The following SH3GL3 variants were observed in gnomAD, a reference collection of about 807,000 sequenced individuals.
SH3GL3 encodes SH3 domain containing GRB2 like 3, endophilin A3, also known as endophilin-A3.
Under a neutral mutation model 47.7 loss-of-function variants are expected in SH3GL3, and 33 were observed. The ratio of observed to expected loss-of-function variants is 0.69; its 90% CI spans 0.52 to 0.92. The LOEUF (loss-of-function observed/expected upper bound fraction) is 0.92. Ranked by LOEUF, SH3GL3 falls within the 40% of genes least tolerant of loss-of-function variation. The pLI is 0.00. For missense variants in SH3GL3, 363 were observed against 417.8 expected (o/e 0.87, Z 1.14); for synonymous variants, 155 against 148.8 (o/e 1.04, Z -0.30).
chr15:83,505,478 A>T (rs969183500), intron 1 of SH3GL3, among the ~76,000 whole-genome samples: 5 of 150,740 alleles, frequency 3.3e-5, no homozygotes, highest in Non-Finnish European at 7.4e-5. Flanking sequence ...CTGGGAGTCA[A>T]GAGGTTGTGC....
At chr15:83,492,742 A>G (rs2041925713) in intron 1 of SH3GL3, among the ~76,000 whole-genome samples, 1 of 152,178 alleles carries the variant, frequency 6.6e-6, no homozygotes, top group African/African-American at 2.4e-5. Flanking sequence ...GGGTTGGGAA[A>G]ACTCTCAGTG....
At chr15:83,468,800 G>GTTTT (rs34233165) in intron 1 of SH3GL3, among the ~76,000 whole-genome samples, 11 of 128,996 alleles carry the variant, frequency 8.5e-5, no homozygotes, top group African/African-American at 3.2e-4. Flanking sequence ...CTTTAGTAGT[G>GTTTT]TTTTTTTTTT....
At chr15:83,519,550 T>C (rs1320505730) in intron 1 of SH3GL3, among the ~76,000 whole-genome samples, 1 of 152,226 alleles carries the variant, frequency 6.6e-6, no homozygotes, top group Non-Finnish European at 1.5e-5. Flanking sequence ...GCTTATCAGT[T>C]CTAGGAGCCT....
At chr15:83,449,714 CTTTT>C (rs11361312) in intron 1 of SH3GL3, among the ~76,000 whole-genome samples, 5 of 125,916 alleles carry the variant, frequency 4.0e-5, no homozygotes, top group Non-Finnish European at 8.5e-5. Flanking sequence ...CTTATTTAGT[CTTTT>C]TTTTTTTTTT....
chr15:83,544,136 A>T (rs1176582569), intron 1 of SH3GL3, among the ~76,000 whole-genome samples: 1 of 151,738 alleles, frequency 6.6e-6, no homozygotes, highest in Admixed American at 6.6e-5. Context: ...TTTTTGATGT[A>T]GGGGCTTATT....
chr15:83,561,710 AAAG>A (rs950658226), intron 2 of SH3GL3, among the ~76,000 whole-genome samples: 36 of 152,288 alleles, frequency 2.4e-4, no homozygotes, highest in Middle Eastern at 6.8e-3. Context: ...CAAATTACAT[AAAG>A]AAGAAGAAAG....
chr15:83,524,943 A>G (rs1054314998), intron 1 of SH3GL3, among the ~76,000 whole-genome samples: 2 of 152,116 alleles, frequency 1.3e-5, no homozygotes, highest in Non-Finnish European at 2.9e-5. Flanking sequence ...TGTCTTTGCC[A>G]TTGTTAATGG....
chr15:83,595,401 A>G (rs2060211756), intron 8 of SH3GL3, among the ~76,000 whole-genome samples: 1 of 152,068 alleles, frequency 6.6e-6, no homozygotes, highest in African/African-American at 2.4e-5. Context: ...CCTACCCTGT[A>G]CTATGCTTGA....
intron 1 of SH3GL3, among the ~76,000 whole-genome samples, chr15:83,537,938 A>G (rs1238311688): frequency 6.6e-6 from 1 of 152,140 alleles, no homozygotes; most frequent in Non-Finnish European, 1.5e-5. Context: ...GTACACAGAG[A>G]AGATGTGTGT....
intron 1 of SH3GL3, among the ~76,000 whole-genome samples, chr15:83,517,421 G>T (rs1002388359): frequency 3.3e-5 from 5 of 151,784 alleles, no homozygotes; most frequent in Admixed American, 3.3e-4. Context: ...GGCCAGGCTG[G>T]TCTTGAACTC....
In SH3GL3 at chr15:83,583,203, C is replaced by G. The variant is rs142889746; in HGVS notation, c.625-3780C>G. On this transcript the variant is annotated intron_variant, in intron 6 of 8. Transcript: ENST00000427482. Reference sequence around the variant, plus strand: ...AAACACACTTGCAGACCCCAGGCGTCTGGACAGGCATCAGCTACTCACATC... The same window carrying G: ...AAACACACTTGCAGACCCCAGGCGTGTGGACAGGCATCAGCTACTCACATC... Among the ~76,000 whole-genome samples, 686 of 152,312 alleles carry G rather than the reference C, an allele frequency of 4.5e-3. 4 individuals carry two copies. The highest frequency in any genetic ancestry group is 0.016 in the African/African-American group (664 of 41,570).
chr15:83,587,659 G>A (rs1323718920), intron 7 of SH3GL3, among the ~76,000 whole-genome samples: 1 of 151,916 alleles, frequency 6.6e-6, no homozygotes, highest in African/African-American at 2.4e-5. Flanking sequence ...AATATTGACA[G>A]GTATTGAAAG....
chr15:83,527,390 T>C (rs929386224), intron 1 of SH3GL3, among the ~76,000 whole-genome samples: 2 of 152,164 alleles, frequency 1.3e-5, no homozygotes, highest in African/African-American at 4.8e-5. Flanking sequence ...TATATCTGGG[T>C]GCTTCGGTTT....
chr15:83,532,421 G>C (rs2043718778), intron 1 of SH3GL3, among the ~76,000 whole-genome samples: 1 of 152,176 alleles, frequency 6.6e-6, no homozygotes, highest in South Asian at 2.1e-4. Flanking sequence ...AGGTAATTGA[G>C]AAGTGTCTAA....
chr15:83,596,181 C>A (rs1210196751), intron 8 of SH3GL3, among the ~76,000 whole-genome samples: 1 of 152,108 alleles, frequency 6.6e-6, no homozygotes, highest in African/African-American at 2.4e-5. Flanking sequence ...GGATATTTTT[C>A]AGATCTCTTT....
In SH3GL3 at chr15:83,618,550, A is replaced by G. The variant is rs1809229631; in HGVS notation, c.*263A>G. On this transcript the variant is annotated 3_prime_UTR_variant, in exon 9 of 9. Coordinates refer to ENST00000427482, the MANE Select transcript of SH3GL3 (RefSeq NM_003027.5). ...TATTTGCTTCCTGTGGCTAAAAATA[A>G]GTCTCACCCATTGCAGTTATGTCAA... is the stretch of plus-strand genomic sequence containing the variant. The G allele has an allele frequency of 4.7e-6, 2 of 424,088 alleles. No homozygotes were observed. The highest frequency in any genetic ancestry group is 7.5e-5 in the Admixed American group (2 of 26,812). 26.3% of individuals were successfully genotyped at this position (424,088 alleles called of 1,614,324 possible). A position where few individuals can be genotyped will look rare whatever the true frequency, so the allele number is the denominator to read the frequency against.
intron 1 of SH3GL3, among the ~76,000 whole-genome samples, chr15:83,475,137 A>G (rs918038755): frequency 4.0e-5 from 6 of 151,022 alleles, no homozygotes; most frequent in Non-Finnish European, 7.4e-5. Context: ...TTATATAAAT[A>G]TAACTATATA....
intron 6 of SH3GL3, among the ~76,000 whole-genome samples, chr15:83,579,944 C>T (rs1393400930): frequency 6.6e-6 from 1 of 152,204 alleles, no homozygotes; most frequent in Non-Finnish European, 1.5e-5. Flanking sequence ...CTCCTTGGAC[C>T]TGACATGCCA....
chr15:83,568,509 C>T lies in SH3GL3; in HGVS notation c.188-20C>T, dbSNP rs2045661463. ...TCCACCTTGTAACTTTAAAGAATTA[C>T]AAATGACAATGTTTTTAAGCATACA... On this transcript the variant is annotated intron_variant, in intron 3 of 8. Coordinates refer to ENST00000427482, the MANE Select transcript of SH3GL3 (RefSeq NM_003027.5). 4 of 1,604,696 alleles carry T rather than the reference C, an allele frequency of 2.5e-6. No homozygotes were observed. The highest frequency in any genetic ancestry group is 3.4e-6 in the Non-Finnish European group (4 of 1,172,632).
Sources: gnomAD v4.1 joint callset for allele counts (sites outside exome capture counted in the v4.1 genomes callset) on GRCh38, gnomAD v4.1.1 for gene constraint, MANE v1.5 for transcripts, NCBI Gene and HGNC (gene_info 2026-07-23, HGNC 2026-07-21) for gene names.